Variants in SF3B3 observed in about 807,000 individuals in gnomAD.
SF3B3 encodes SAP 130.
A neutral mutation model predicts 139.2 loss-of-function variants in SF3B3; 33 were observed. That is an observed-to-expected ratio of 0.24 (90% CI 0.18 to 0.32). SF3B3 has a LOEUF of 0.32. SF3B3 is among the 10% of genes least tolerant of loss of function. SF3B3 has a pLI of 1.00. For synonymous variants in SF3B3, 596 were observed against 563.6 expected (o/e 1.06, Z -0.81); for missense variants, 818 against 1,509.4 (o/e 0.54, Z 7.59).
At chr16:70,568,818 C>T (rs1315280226) in intron 22 of SF3B3, among the ~76,000 whole-genome samples, 1 of 152,140 alleles carries the variant, frequency 6.6e-6, no homozygotes, top group East Asian at 1.9e-4. Context: ...TTGGTTTTAC[C>T]CTTAGCTGTG....
At chr16:70,540,458 T>TCTCG (rs943074165) in intron 8 of SF3B3, among the ~76,000 whole-genome samples, 1 of 152,032 alleles carries the variant, frequency 6.6e-6, no homozygotes, top group African/African-American at 2.4e-5. Flanking sequence ...AGGGGTGCAA[T>TCTCG]CTCGGCTCAC....
chr16:70,548,604 G>A (rs2050291097), intron 11 of SF3B3, 162 bp downstream of exon 11: 2 of 594,970 alleles, frequency 3.4e-6, no homozygotes, highest in South Asian at 4.3e-5. Flanking sequence ...CGTTCAGGAT[G>A]CCTTCACCTA....
At chr16:70,537,845 G>A (rs918842153) in intron 6 of SF3B3, among the ~76,000 whole-genome samples, 1 of 152,172 alleles carries the variant, frequency 6.6e-6, no homozygotes, top group African/African-American at 2.4e-5. Flanking sequence ...AGGCTGAGGC[G>A]GGAGGATCCC....
intron 14 of SF3B3, chr16:70,556,628 G>A (rs2050381741): frequency 3.4e-6 from 2 of 595,746 alleles, no homozygotes; most frequent in East Asian, 2.9e-5. Context: ...GACCCTAGGT[G>A]ACTTTTCAGG....
At chr16:70,534,857 C>T (rs144594263) in intron 5 of SF3B3, among the ~76,000 whole-genome samples, 28 of 152,042 alleles carry the variant, frequency 1.8e-4, no homozygotes, top group Admixed American at 3.3e-4. Context: ...TTAGTAGAGA[C>T]GGGATTTCAC....
intron 17 of SF3B3, among the ~76,000 whole-genome samples, chr16:70,562,884 A>AGTG (rs2151792550): frequency 6.6e-6 from 1 of 152,108 alleles, no homozygotes; most frequent in Non-Finnish European, 1.5e-5. Flanking sequence ...GTTGGAGTGC[A>AGTG]GTGGTGTGAT....
chr16:70,526,333 G>T lies in SF3B3; in HGVS notation c.-70-254G>T, dbSNP rs147905639. Among the ~76,000 whole-genome samples the T allele has an allele frequency of 6.5e-3, 984 of 151,992 alleles. 12 individuals carry two copies. The highest frequency in any genetic ancestry group is 0.022 in the African/African-American group (922 of 41,476). ...AGCGATTCTCCTGCCTCAGCCTCCC[G>T]AGTAGCTGGGACTACAGGCGCACAG... On this transcript the variant is annotated intron_variant, in intron 1 of 25. Transcript: ENST00000302516.
chr16:70,538,520 G>C (rs927097579), intron 7 of SF3B3, 60 bp downstream of exon 7: 25 of 1,408,770 alleles, frequency 1.8e-5, no homozygotes, highest in Non-Finnish European at 2.3e-5. Flanking sequence ...GGCAAGACAG[G>C]TAATACTTTA....
chr16:70,545,167 G>T (rs998869072), intron 10 of SF3B3, among the ~76,000 whole-genome samples: 1 of 152,108 alleles, frequency 6.6e-6, no homozygotes, highest in Non-Finnish European at 1.5e-5. Flanking sequence ...CTGGGATCAG[G>T]TGATCCTCCC....
At chr16:70,524,704 G>C (rs1200088614) in intron 1 of SF3B3, 1 of 151,878 alleles carries the variant, frequency 6.6e-6, no homozygotes, top group Non-Finnish European at 1.5e-5. Context: ...TTTTTGAGAC[G>C]GTGTCTCGCT....
chr16:70,570,287 G>A, intron 24 of SF3B3, 138 bp downstream of exon 24: 1 of 868,036 alleles, frequency 1.2e-6, no homozygotes, highest in Non-Finnish European at 1.7e-6. Flanking sequence ...GAAGTACTTG[G>A]GGAGATAGGA....
intron 6 of SF3B3, among the ~76,000 whole-genome samples, chr16:70,537,052 G>A (rs544146291): frequency 6.6e-6 from 1 of 152,028 alleles, no homozygotes; most frequent in South Asian, 2.1e-4. Context: ...CTTGTGATCT[G>A]CCTGCCTCAG....
At chr16:70,555,280 AT>A in intron 13 of SF3B3, 74 bp downstream of exon 13, 2 of 1,345,060 alleles carry the variant, frequency 1.5e-6, no homozygotes, top group Non-Finnish European at 2.1e-6. Flanking sequence ...TAGTCTAGTC[AT>A]TTAGATGATA....
chr16:70,532,946 C>CT (rs1476465116), intron 5 of SF3B3, among the ~76,000 whole-genome samples: 2 of 152,158 alleles, frequency 1.3e-5, no homozygotes, highest in Non-Finnish European at 1.5e-5. Flanking sequence ...AAACCTAACT[C>CT]TTTCAAAAGC....
At chr16:70,546,299 A>G (rs1326126635) in intron 10 of SF3B3, among the ~76,000 whole-genome samples, 2 of 152,146 alleles carry the variant, frequency 1.3e-5, no homozygotes, top group African/African-American at 4.8e-5. Flanking sequence ...TTCGTTAGTT[A>G]CTTATTTCTC....
At position 70,526,670 on chromosome 16, in the gene SF3B3, A is replaced by G. The variant is rs143413534; in HGVS notation, c.14A>G (p.Asn5Ser). 3.1e-6 allele frequency: 5 copies of G among 1,614,022 alleles called. No individual in the cohort carries two copies. In the East Asian group the frequency reaches 6.7e-5, roughly 22 times the overall value. Residue 5 changes from asparagine (N) to serine (S), a missense_variant, in exon 2 of 26, where the codon AAC becomes AGC. Asn to Ser is a conservative substitution (Grantham distance 46, BLOSUM62 1). Coordinates refer to ENST00000302516, the MANE Select transcript of SF3B3 (RefSeq NM_012426.5). MFLY[N>S]LTLQRATGIS... ...TTTCCTGCAGCCATGTTTCTGTACA[A>G]CTTAACCTTGCAGAGAGCCACTGGC... is the stretch of plus-strand genomic sequence containing the variant.
intron 11 of SF3B3, among the ~76,000 whole-genome samples, chr16:70,552,567 G>C (rs1270529151): frequency 6.6e-6 from 1 of 152,160 alleles, no homozygotes; most frequent in Non-Finnish European, 1.5e-5. Context: ...TATGTTGACA[G>C]TTCTAGCAAA....
rs752599445 is a variant in SF3B3, at chr16:70,556,206, C to A, written c.1738C>A (p.Arg580=). The A allele has an allele frequency of 1.5e-5, 25 of 1,614,048 alleles. No individual in the cohort carries two copies. In the South Asian group the frequency reaches 2.5e-4, roughly 16 times the overall value. Residue 580 remains arginine (R), a synonymous_variant, in exon 14 of 26, where the codon CGG becomes AGG. Coordinates refer to ENST00000302516, the MANE Select transcript of SF3B3 (RefSeq NM_012426.5). ...AGGACAGCTGAATGAGTACACAGAACGGAAGGAGATGTCAGCAGATGTGGT... is the reference window on the plus strand; with the variant it reads ...AGGACAGCTGAATGAGTACACAGAAAGGAAGGAGATGTCAGCAGATGTGGT... ...PSGQLNEYTE[R]KEMSADVVCM... is the part of the protein sequence containing the mutation.
At chr16:70,566,009 C>T (rs556407396) in intron 20 of SF3B3, among the ~76,000 whole-genome samples, 18 of 151,504 alleles carry the variant, frequency 1.2e-4, no homozygotes, top group African/African-American at 3.2e-4. Context: ...CCCAGCTGCT[C>T]GGGAGGCTAA....
Sources: gnomAD v4.1 joint callset for allele counts (sites outside exome capture counted in the v4.1 genomes callset) on GRCh38, gnomAD v4.1.1 for gene constraint, MANE v1.5 for transcripts, NCBI Gene and HGNC (gene_info 2026-07-23, HGNC 2026-07-21) for gene names.